Variants in DPP6 observed in about 807,000 individuals in gnomAD.
The protein encoded by DPP6 is dipeptidyl peptidase like 6.
Under a neutral mutation model 122.6 loss-of-function variants are expected in DPP6, and 69 were observed. The observed-to-expected ratio is 0.56, with a 90% CI of 0.46 to 0.69. The LOEUF is 0.69. DPP6 is among the 30% of genes least tolerant of loss of function. The probability of loss-of-function intolerance (pLI) is 0.00; values close to 1 mark genes in which losing one functional copy is unlikely to be tolerated. For missense variants in DPP6, 928 were observed against 1,116.9 expected (o/e 0.83, Z 2.41); for synonymous variants, 418 against 433.1 (o/e 0.97, Z 0.43).
At chr7:154,616,433 C>T (rs560798459) in intron 5 of DPP6, among the ~76,000 whole-genome samples, 1 of 152,266 alleles carries the variant, frequency 6.6e-6, no homozygotes, top group South Asian at 2.1e-4. Flanking sequence ...CGCCCCCCTC[C>T]CCTCCTTTAT....
In DPP6 at chr7:154,282,370, A is replaced by G. The variant is rs1361257331; in HGVS notation, c.244-163844A>G. 6.6e-6 allele frequency among the ~76,000 whole-genome samples: 1 copy of G among 152,134 alleles called. No individual in the cohort carries two copies. The highest frequency in any genetic ancestry group is 6.5e-5 in the Admixed American group (1 of 15,272). ...TGGCCTACAGAAGACTTTCTTACAC[A>G]GTGCACTGTTAACTGAGCAGAGGCA... On this transcript the variant is annotated intron_variant, in intron 1 of 25. Coordinates refer to ENST00000377770, the MANE Select transcript of DPP6 (RefSeq NM_130797.4). The surrounding 1 kb of genome is among the most constrained non-coding windows in gnomAD (Gnocchi z 4.8).
At chr7:154,489,752 A>G (rs1240597800) in intron 3 of DPP6, among the ~76,000 whole-genome samples, 2 of 152,216 alleles carry the variant, frequency 1.3e-5, no homozygotes, top group East Asian at 3.9e-4. Context: ...AACAGGTGAT[A>G]GCTCTCAGAT....
chr7:154,123,554 A>G (rs1305501408), intron 1 of DPP6, among the ~76,000 whole-genome samples: 2 of 152,126 alleles, frequency 1.3e-5, no homozygotes, highest in Non-Finnish European at 2.9e-5. Flanking sequence ...TGCCAGTGCC[A>G]GGGCTGCAAA....
rs1250203577 is a variant in DPP6, at chr7:154,282,041, C to T, written c.244-164173C>T. ...TAACCTTTCAACACCTCTGTTTCCT[C>T]CCCTGTCCAATGGGGAGATTGACCT... On this transcript the variant is annotated intron_variant, in intron 1 of 25. Transcript: ENST00000377770. This position sits in a 1 kb window ranked among gnomAD's most constrained non-coding sequence, Gnocchi z 4.8. 1.3e-5 allele frequency among the ~76,000 whole-genome samples: 2 copies of T among 152,138 alleles called. No individual in the cohort carries two copies. Among genetic ancestry groups the T allele is most frequent in the Non-Finnish European group, 2.9e-5 (2 of 68,032 alleles).
chr7:154,081,217 A>G lies in DPP6; in HGVS notation c.243+28154A>G, dbSNP rs561080874. On this transcript the variant is annotated intron_variant, in intron 1 of 25. Coordinates refer to ENST00000377770, the MANE Select transcript of DPP6 (RefSeq NM_130797.4). ...CAGGATGGAGTAGCAAAGGCCCTGT[A>G]GTGAGGCCCTCTGTGGGGGATGAGT... 4.0e-5 allele frequency among the ~76,000 whole-genome samples: 6 copies of G among 151,530 alleles called. No homozygotes were observed. The South Asian group carries it at 1.3e-3, about 32-fold the overall frequency.
intron 1 of DPP6, among the ~76,000 whole-genome samples, chr7:154,111,419 T>G (rs906111383): frequency 1.3e-5 from 2 of 152,138 alleles, no homozygotes; most frequent in Non-Finnish European, 2.9e-5. Context: ...AAAACCCAAG[T>G]CAAGCTCTTC....
the DPP6 span, among the ~76,000 whole-genome samples, chr7:153,803,488 C>T: frequency 2.0e-5 from 3 of 151,920 alleles, no homozygotes; most frequent in African/African-American, 7.3e-5. Context: ...GATGCTTCAC[C>T]TCATCTTCTC....
At chr7:154,375,541 C>G (rs977603711) in intron 1 of DPP6, among the ~76,000 whole-genome samples, 1 of 152,058 alleles carries the variant, frequency 6.6e-6, no homozygotes, top group African/African-American at 2.4e-5. Flanking sequence ...GTCATGAAGG[C>G]GTGGCCCCAT....
intron 1 of DPP6, among the ~76,000 whole-genome samples, chr7:154,429,270 C>T (rs895343831): frequency 1.1e-4 from 16 of 152,060 alleles, no homozygotes; most frequent in Middle Eastern, 3.2e-3. Flanking sequence ...GTGGAATCCA[C>T]GTGCGAGCAC....
chr7:154,523,714 A>G (rs1028136905), intron 3 of DPP6, among the ~76,000 whole-genome samples: 1 of 152,108 alleles, frequency 6.6e-6, no homozygotes, highest in African/African-American at 2.4e-5. Flanking sequence ...GGCCAGTTGT[A>G]TTGTAGGCCC....
At chr7:154,078,737 G>A (rs1027458148) in intron 1 of DPP6, among the ~76,000 whole-genome samples, 17 of 151,932 alleles carry the variant, frequency 1.1e-4, no homozygotes, top group Non-Finnish European at 1.8e-4. Context: ...CTGTGTTTTC[G>A]CTTGACACAC....
At chr7:154,699,101 T>C (rs1042038220) in intron 7 of DPP6, among the ~76,000 whole-genome samples, 2 of 152,118 alleles carry the variant, frequency 1.3e-5, no homozygotes, top group African/African-American at 4.8e-5. Flanking sequence ...AGGGAGGGGA[T>C]TGATGACTTC....
At chr7:154,304,434 C>T (rs1416172562) in intron 1 of DPP6, among the ~76,000 whole-genome samples, 5 of 152,336 alleles carry the variant, frequency 3.3e-5, no homozygotes, top group African/African-American at 1.2e-4. Context: ...CAGGACACGA[C>T]AGCAGCCTCT....
chr7:154,054,018 A>C (rs983962693), intron 1 of DPP6, among the ~76,000 whole-genome samples: 1 of 147,606 alleles, frequency 6.8e-6, no homozygotes. Context: ...GGAAAAGAGA[A>C]AAATCCCCGA....
chr7:154,449,638 G>C (rs1820180995), intron 2 of DPP6, among the ~76,000 whole-genome samples: 1 of 152,026 alleles, frequency 6.6e-6, no homozygotes, highest in South Asian at 2.1e-4. Flanking sequence ...AGTACATGAG[G>C]TTCATAACAG....
At chr7:154,418,551 G>A (rs752826987) in intron 1 of DPP6, among the ~76,000 whole-genome samples, 9 of 152,180 alleles carry the variant, frequency 5.9e-5, no homozygotes, top group East Asian at 1.9e-4. Flanking sequence ...GACAGGGGAC[G>A]GCTGGAATAG....
intron 6 of DPP6, among the ~76,000 whole-genome samples, chr7:154,648,267 TA>T (rs35397756): frequency 4.5e-3 from 631 of 139,670 alleles, no homozygotes; most frequent in Middle Eastern, 0.011. Flanking sequence ...AAACTCTGTC[TA>T]AAAAAAAAAA....
intron 1 of DPP6, among the ~76,000 whole-genome samples, chr7:154,035,437 T>C (rs186502702): frequency 5.3e-5 from 8 of 152,372 alleles, no homozygotes; most frequent in Admixed American, 2.6e-4. Context: ...AATGAAAAAG[T>C]AACACAAACA....
chr7:154,350,979 G>T (rs946243143), intron 1 of DPP6, among the ~76,000 whole-genome samples: 18 of 152,182 alleles, frequency 1.2e-4, no homozygotes, highest in African/African-American at 4.3e-4. Context: ...AGATGGGCTG[G>T]AGTCAGTGGG....
Sources: allele counts gnomAD v4.1 joint callset (sites outside exome capture counted in the v4.1 genomes callset), GRCh38; gene constraint gnomAD v4.1.1; non-coding constraint Gnocchi (gnomAD v3.1); transcripts MANE v1.5; gene names NCBI Gene and HGNC (gene_info 2026-07-23, HGNC 2026-07-21).